Variants in ADGRL2 observed in about 807,000 individuals in gnomAD.
ADGRL2 encodes adhesion G protein-coupled receptor L2, also known as calcium-independent alpha-latrotoxin receptor 2.
A neutral mutation model predicts 157.4 loss-of-function variants in ADGRL2; 44 were observed. That is an observed-to-expected ratio of 0.28 (90% CI 0.22 to 0.36). ADGRL2 has a LOEUF of 0.36. Among genes scored for constraint, ADGRL2 ranks in the 10% least tolerant of loss-of-function variants. The pLI, the probability that ADGRL2 is intolerant of heterozygous loss-of-function variation, is 1.00. For missense variants in ADGRL2, 1,510 were observed against 1,768.9 expected (o/e 0.85, Z 2.63); for synonymous variants, 585 against 624.7 (o/e 0.94, Z 0.95).
At chr1:81,593,875 T>C (rs2081180108) in intron 3 of ADGRL2, among the ~76,000 whole-genome samples, 1 of 152,138 alleles carries the variant, frequency 6.6e-6, no homozygotes, top group Admixed American at 6.6e-5. Flanking sequence ...CAATTTTTTG[T>C]AAGGTAAAAT....
At chr1:81,632,189 T>C (rs1038899651) in intron 3 of ADGRL2, among the ~76,000 whole-genome samples, 5 of 152,192 alleles carry the variant, frequency 3.3e-5, no homozygotes, top group African/African-American at 4.8e-5. Flanking sequence ...ACCTATATGC[T>C]AATGAGAGAG....
chr1:81,658,464 C>T (rs1270244648), intron 3 of ADGRL2, among the ~76,000 whole-genome samples: 1 of 152,124 alleles, frequency 6.6e-6, no homozygotes, highest in Non-Finnish European at 1.5e-5. Context: ...TTTTGTTACA[C>T]AGATATGTTA....
At chr1:81,565,184 G>T (rs1043632154) in intron 2 of ADGRL2, among the ~76,000 whole-genome samples, 2 of 152,166 alleles carry the variant, frequency 1.3e-5, no homozygotes, top group African/African-American at 4.8e-5. Context: ...TAGAGCTTCA[G>T]TTTCCTGACT....
intron 3 of ADGRL2, among the ~76,000 whole-genome samples, chr1:81,663,690 G>A (rs1457342650): frequency 6.6e-6 from 1 of 152,144 alleles, no homozygotes; most frequent in Non-Finnish European, 1.5e-5. Context: ...GAGGGAATGA[G>A]CAGGTGGTGA....
chr1:81,868,625 T>C (rs1241858154), intron 2 of ADGRL2, among the ~76,000 whole-genome samples: 1 of 152,126 alleles, frequency 6.6e-6, no homozygotes, highest in Non-Finnish European at 1.5e-5. Context: ...TGATAACTTC[T>C]TTTTTAGAAC....
At chr1:81,942,924 A>AT in intron 5 of ADGRL2, 45 bp from the exon 6 acceptor site, 1 of 1,468,126 alleles carries the variant, frequency 6.8e-7, no homozygotes, top group Non-Finnish European at 9.4e-7. Flanking sequence ...TGCCTGTGTA[A>AT]TTTTTTAACT....
intron 2 of ADGRL2, among the ~76,000 whole-genome samples, chr1:81,495,261 G>A (rs2078708640): frequency 6.6e-6 from 1 of 152,102 alleles, no homozygotes; most frequent in Admixed American, 6.6e-5. Context: ...AGATCAATTT[G>A]CAAAAGGCGC....
At chr1:81,320,769 AGAGTAGATTTAGCATAATTCTC>A (rs1233390147) in intron 1 of ADGRL2, among the ~76,000 whole-genome samples, 22 of 152,326 alleles carry the variant, frequency 1.4e-4, no homozygotes, top group African/African-American at 4.6e-4. Flanking sequence ...GGGCACAGAC[AGAGTAGATTTAGCATAATTCTC>A]GAGTAGATTT....
chr1:81,695,608 T>C (rs2083426483), upstream of ADGRL2, among the ~76,000 whole-genome samples: 1 of 152,010 alleles, frequency 6.6e-6, no homozygotes, highest in African/African-American at 2.4e-5. Context: ...TCACTTGAGG[T>C]CAGGTGTTAA....
rs78879055 is a variant in ADGRL2 at position 81,640,886 on chromosome 1, T to C, written c.-143+59906T>C. 9.6e-4 allele frequency among the ~76,000 whole-genome samples: 146 copies of C among 152,304 alleles called. 1 individual carries two copies. The highest frequency in any genetic ancestry group is 3.3e-3 in the African/African-American group (138 of 41,584). On this transcript the variant is annotated intron_variant, in intron 3 of 24. Transcript: ENST00000370721. ...CATGAAAATAAAGTTTCCTCTGCTT[T>C]AGTCCTTACAAAAAAACAGTAGCCT...
chr1:81,844,381 A>C (rs1036596151), intron 2 of ADGRL2, among the ~76,000 whole-genome samples: 1 of 152,142 alleles, frequency 6.6e-6, no homozygotes, highest in African/African-American at 2.4e-5. Context: ...CATTTTTTGA[A>C]TTAATACACT....
At chr1:81,326,305 T>C (rs1486135898) in intron 1 of ADGRL2, among the ~76,000 whole-genome samples, 1 of 152,216 alleles carries the variant, frequency 6.6e-6, no homozygotes, top group Non-Finnish European at 1.5e-5. Context: ...ATAGTACCTA[T>C]CACATTAGAG....
intron 1 of ADGRL2, among the ~76,000 whole-genome samples, chr1:81,430,768 A>G (rs1044412920): frequency 2.0e-5 from 3 of 152,178 alleles, no homozygotes; most frequent in African/African-American, 7.2e-5. Flanking sequence ...AAACTGATTC[A>G]TGAAATACAA....
intron 1 of ADGRL2, among the ~76,000 whole-genome samples, chr1:81,408,463 A>G (rs1443183541): frequency 6.6e-6 from 1 of 151,960 alleles, no homozygotes; most frequent in Non-Finnish European, 1.5e-5. Context: ...TTGTGTGTAT[A>G]TGCATATAAA....
intron 1 of ADGRL2, among the ~76,000 whole-genome samples, chr1:81,380,758 A>G (rs532100694): frequency 2.0e-5 from 3 of 152,266 alleles, no homozygotes; most frequent in African/African-American, 7.2e-5. Context: ...AGATTTATGT[A>G]TTATAACCTT....
intron 1 of ADGRL2, among the ~76,000 whole-genome samples, chr1:81,402,872 G>C (rs558591449): frequency 6.6e-6 from 1 of 152,124 alleles, no homozygotes; most frequent in African/African-American, 2.4e-5. Flanking sequence ...TGATTAATAA[G>C]GCAAACATCG....
chr1:81,524,282 C>A (rs541656985), intron 2 of ADGRL2, among the ~76,000 whole-genome samples: 3 of 152,202 alleles, frequency 2.0e-5, no homozygotes, highest in African/African-American at 7.2e-5. Flanking sequence ...AGGAGAATGG[C>A]GTAAACCTGG....
chr1:81,580,469 C>A (rs1023163521), intron 2 of ADGRL2, among the ~76,000 whole-genome samples: 1 of 151,664 alleles, frequency 6.6e-6, no homozygotes, highest in Non-Finnish European at 1.5e-5. Flanking sequence ...ATGCTGGGTG[C>A]CCAGTTTTTG....
intron 3 of ADGRL2, among the ~76,000 whole-genome samples, chr1:81,609,547 A>T (rs986951920): frequency 6.6e-6 from 1 of 152,174 alleles, no homozygotes; most frequent in Non-Finnish European, 1.5e-5. Flanking sequence ...ACTTTATTAA[A>T]TAAAACATAC....
Sources: allele counts gnomAD v4.1 joint callset (sites outside exome capture counted in the v4.1 genomes callset), GRCh38; gene constraint gnomAD v4.1.1; transcripts MANE v1.5; gene names NCBI Gene and HGNC (gene_info 2026-07-23, HGNC 2026-07-21).